CCL24: variants seen among roughly 807,000 people sequenced by gnomAD.
The protein encoded by CCL24 is C-C motif chemokine ligand 24.
CCL24 carries 6 observed loss-of-function variants against 8.6 expected under a neutral mutation model. The observed-to-expected ratio is 0.70, with a 90% CI of 0.38 to 1.38. The LOEUF (loss-of-function observed/expected upper bound fraction) is 1.38, where lower values mean the gene tolerates loss of function less well. CCL24 is among the 40% of genes most tolerant of loss of function. The pLI, the probability that CCL24 is intolerant of heterozygous loss-of-function variation, is 0.02. For missense variants in CCL24, 126 were observed against 147.1 expected, an observed-to-expected ratio of 0.86 and a Z score of 0.74; for synonymous variants, 59 against 52.7, an observed-to-expected ratio of 1.12 and a Z score of -0.52.
chr7:75,820,216 T>C (rs1473760518), intron 1 of CCL24, among the ~76,000 whole-genome samples: 1 of 150,310 alleles, frequency 6.7e-6, no homozygotes, highest in Non-Finnish European at 1.5e-5. Flanking sequence ...AGATGGAATC[T>C]TGCTTTGTCG....
chr7:75,816,861 C>CAAAA (rs57957590), upstream of CCL24, among the ~76,000 whole-genome samples: 1 of 98,344 alleles, frequency 1.0e-5, no homozygotes, highest in Non-Finnish European at 2.1e-5. Context: ...TGCACCTGGC[C>CAAAA]AAAAAAAAAA....
chr7:75,813,446 G>C (rs41364146), intron 1 of CCL24, 23 bp from the exon 2 acceptor site: 6 of 1,532,412 alleles, frequency 3.9e-6, no homozygotes, highest in Non-Finnish European at 5.4e-6. Context: ...AGAGAGAAGA[G>C]CCACGTCTTT....
intron 1 of CCL24, among the ~76,000 whole-genome samples, chr7:75,821,188 G>A (rs1804042928): frequency 6.6e-6 from 1 of 152,190 alleles, no homozygotes; most frequent in Non-Finnish European, 1.5e-5. Context: ...GAGTTAGGCT[G>A]ACCAAGGGGA....
chr7:75,811,806 G>A lies in CCL24; in HGVS notation c.350C>T (p.Thr117Ile), dbSNP rs782337842. The A allele has an allele frequency of 8.7e-6, 14 of 1,613,274 alleles. No individual in the cohort carries two copies. Among genetic ancestry groups the A allele is most frequent in the Non-Finnish European group, 1.2e-5 (14 of 1,179,762 alleles). The change falls in exon 3 of 3, where the codon ACC becomes ATC. Residue 117 changes from threonine (T) to isoleucine (I), a missense_variant. Physicochemically the swap from Thr to Ile is moderately conservative, Grantham distance 89. Coordinates refer to ENST00000222902, the MANE Select transcript of CCL24 (RefSeq NM_002991.3). ...AGGGCTGGGCGGGGATTAGCAGGTG[G>A]TTTGGTTGCCAGGATATCTCTGGAC... Reference protein sequence around the residue: ...GPVQRYPGNQTTC With the variant: ...GPVQRYPGNQITC
In CCL24 at chr7:75,811,581, G is replaced by C. The variant is rs2115771377; in HGVS notation, c.*215C>G. ...GGATCTTCTCACCCAGCTCCAGAAA[G>C]GCAAGGGGCCTTGGATGCTTGGAGC... On this transcript the variant is annotated 3_prime_UTR_variant, in exon 3 of 3. Coordinates refer to ENST00000222902, the MANE Select transcript of CCL24 (RefSeq NM_002991.3). The C allele has an allele frequency of 2.2e-6, 1 of 460,576 alleles. No individual in the cohort carries two copies. The highest frequency in any genetic ancestry group is 3.6e-5 in the East Asian group (1 of 27,920). The allele number at this position is 460,576 out of a possible 1,614,324, so 28.5% of individuals were successfully genotyped here. A position where few individuals can be genotyped will look rare whatever the true frequency, so the allele number is the denominator to read the frequency against.
chr7:75,822,900 G>A (rs1030223687), intron 1 of CCL24, among the ~76,000 whole-genome samples: 3 of 152,188 alleles, frequency 2.0e-5, no homozygotes, highest in Admixed American at 6.6e-5. Flanking sequence ...CCTAAGCCAC[G>A]ATGGGGCAGA....
chr7:75,819,303 A>C (rs7808004), intron 1 of CCL24, among the ~76,000 whole-genome samples: 1 of 17,102 alleles, frequency 5.8e-5, no homozygotes, highest in African/African-American at 2.8e-4. Flanking sequence ...AAAAAAAAAA[A>C]ATATATATAT....
intron 1 of CCL24, among the ~76,000 whole-genome samples, chr7:75,819,141 G>A (rs1554534573): frequency 6.8e-6 from 1 of 147,582 alleles, no homozygotes; most frequent in Non-Finnish European, 1.5e-5. Context: ...GGTGGCACAT[G>A]ACTGTAATCC....
chr7:75,811,353 C>A lies in CCL24; in HGVS notation c.*443G>T, dbSNP rs2115770170. ...AGTTAGTTGGGTGTGGTGGTACACA[C>A]CTGTAGTCCCAGGTACTCGGGAGGC... is the stretch of plus-strand genomic sequence containing the variant. On this transcript the variant is annotated 3_prime_UTR_variant, in exon 3 of 3. Coordinates refer to ENST00000222902, the MANE Select transcript of CCL24 (RefSeq NM_002991.3). Among the ~76,000 whole-genome samples the A allele has an allele frequency of 6.6e-6, 1 of 151,972 alleles. No homozygotes were observed. The highest frequency in any genetic ancestry group is 1.9e-4 in the East Asian group (1 of 5,144).
At chr7:75,815,564 C>A (rs1803871769), upstream of CCL24, among the ~76,000 whole-genome samples, 1 of 152,152 alleles carries the variant, frequency 6.6e-6, no homozygotes, top group Non-Finnish European at 1.5e-5. Context: ...TCATAGCTGA[C>A]AGCTGCACTG....
upstream of CCL24, among the ~76,000 whole-genome samples, chr7:75,817,793 G>A (rs914020555): frequency 5.0e-5 from 7 of 139,514 alleles, no homozygotes; most frequent in East Asian, 4.5e-4. Flanking sequence ...ATGAGCCACC[G>A]CACTGGGCCA....
chr7:75,820,095 T>TTCTTCC (rs1804005775), intron 1 of CCL24, among the ~76,000 whole-genome samples: 1 of 123,080 alleles, frequency 8.1e-6, no homozygotes, highest in Non-Finnish European at 1.7e-5. Context: ...CTTCCTCTTC[T>TTCTTCC]TCTTCTTCTT....
At chr7:75,819,403 T>C (rs1195930143) in intron 1 of CCL24, among the ~76,000 whole-genome samples, 3 of 137,582 alleles carry the variant, frequency 2.2e-5, no homozygotes, top group African/African-American at 8.3e-5. Flanking sequence ...GGCAGGAGGA[T>C]TGCTTGAGCT....
At position 75,811,927 on chromosome 7, in the gene CCL24, G is replaced by T; in HGVS notation, c.229C>A (p.Pro77Thr). The T allele has an allele frequency of 1.2e-6, 2 of 1,610,660 alleles. No individual in the cohort carries two copies. Among genetic ancestry groups the T allele is most frequent in the Non-Finnish European group, 8.5e-7 (1 of 1,179,438 alleles). ...TKKGQQFCGD[P>T]KQEWVQRYMK... ...TACCTCTGGACCCACTCCTGCTTGG[G>T]GTCGCCACAGAACTGCTGGCCCTTC... is the stretch of plus-strand genomic sequence containing the variant. The change falls in exon 3 of 3, where the codon CCC becomes ACC. Residue 77 changes from proline to threonine, a missense_variant. Physicochemically the swap from Pro to Thr is conservative, Grantham distance 38. Coordinates refer to ENST00000222902, the MANE Select transcript of CCL24 (RefSeq NM_002991.3).
chr7:75,813,562 G>C, intron 1 of CCL24, 81 bp downstream of exon 1: 2 of 1,370,504 alleles, frequency 1.5e-6, no homozygotes, highest in Non-Finnish European at 2.1e-6. Context: ...CTTCCCTCCA[G>C]CCCCAGGCTG....
chr7:75,817,948 A>G (rs2115797689), upstream of CCL24, among the ~76,000 whole-genome samples: 1 of 152,162 alleles, frequency 6.6e-6, no homozygotes. Flanking sequence ...CTCCTGCCTC[A>G]GCCTCCCGAG....
upstream of CCL24, among the ~76,000 whole-genome samples, chr7:75,814,535 C>T (rs1223358183): frequency 6.6e-6 from 1 of 152,094 alleles, no homozygotes; most frequent in Non-Finnish European, 1.5e-5. Context: ...CACTGCCTCT[C>T]CAGGCTGGGC....
upstream of CCL24, among the ~76,000 whole-genome samples, chr7:75,818,754 A>G (rs1009808091): frequency 2.0e-5 from 3 of 151,992 alleles, no homozygotes; most frequent in African/African-American, 4.8e-5. Flanking sequence ...AGAACCCCTG[A>G]TGGCTCCAGC....
upstream of CCL24, among the ~76,000 whole-genome samples, chr7:75,815,340 TA>T (rs781838332): frequency 8.0e-3 from 1,020 of 127,970 alleles, 1 homozygote; most frequent in African/African-American, 8.2e-3. Flanking sequence ...TCCTGTCTCT[TA>T]AAAAAAAAAA....
Sources: allele counts gnomAD v4.1 joint callset (sites outside exome capture counted in the v4.1 genomes callset), GRCh38; gene constraint gnomAD v4.1.1; transcripts MANE v1.5; gene names NCBI Gene and HGNC (gene_info 2026-07-23, HGNC 2026-07-21).